DOCK9: variants seen among roughly 807,000 people sequenced by gnomAD.
DOCK9 encodes dedicator of cytokinesis protein 9.
DOCK9 carries 89 observed loss-of-function variants against 263.3 expected under a neutral mutation model. The observed-to-expected ratio is 0.34, with a 90% confidence interval of 0.28 to 0.40. The LOEUF (loss-of-function observed/expected upper bound fraction) is 0.40, where lower values mean the gene tolerates loss of function less well. DOCK9 is among the 10% of genes least tolerant of loss of function. DOCK9 has a pLI of 1.00. For synonymous variants in DOCK9, 976 were observed against 973.1 expected, an observed-to-expected ratio of 1.00 and a Z score of -0.06; for missense variants, 2,140 against 2,603.4, an observed-to-expected ratio of 0.82 and a Z score of 3.87.
At chr13:98,823,656 CT>C (rs929133727) in intron 45 of DOCK9, among the ~76,000 whole-genome samples, 5 of 152,162 alleles carry the variant, frequency 3.3e-5, no homozygotes, top group Non-Finnish European at 7.3e-5. Flanking sequence ...ACAAAGAACC[CT>C]TCAGGCAGAT....
chr13:98,809,423 T>C lies in DOCK9; in HGVS notation c.5296A>G (p.Lys1766Glu). The change falls in exon 47 of 53, where the codon AAA (lysine) becomes GAA (glutamate). Residue 1766 changes from lysine (K) to glutamate (E), a missense_variant. By Grantham distance (56) the Lys-to-Glu change is moderately conservative. Around this residue, in one of 2 missense-constraint regions of DOCK9, gnomAD observed 619 missense variants for 861.8 expected, o/e 0.72. Coordinates refer to ENST00000682017, the MANE Select transcript of DOCK9 (RefSeq NM_001366683.2). ...LYDTLHRAYS[K>E]VTEVMHSGRR... The stretch of plus-strand genomic sequence containing the variant: ...CCCGAGTGCATGACCTCGGTCACTT[T>C]GCTGTAGGCCCGGTGCAGCGTGTCA... 2 of 1,613,296 alleles carry C rather than the reference T, an allele frequency of 1.2e-6. No homozygotes were observed. The highest frequency in any genetic ancestry group is 1.7e-6 in the Non-Finnish European group (2 of 1,179,654).
At chr13:98,884,911 A>T in intron 21 of DOCK9, 60 bp downstream of exon 21, 2 of 1,535,522 alleles carry the variant, frequency 1.3e-6, no homozygotes, top group Non-Finnish European at 1.8e-6. Flanking sequence ...TTGTTGTTTT[A>T]GTTGTTCTTT....
chr13:98,909,743 G>C (rs1480816499), intron 9 of DOCK9, among the ~76,000 whole-genome samples: 1 of 152,096 alleles, frequency 6.6e-6, no homozygotes, highest in African/African-American at 2.4e-5. Flanking sequence ...TTGGAATCTA[G>C]GGAAGAAAGC....
At chr13:98,934,077 T>TG (rs2054413585) in intron 2 of DOCK9, among the ~76,000 whole-genome samples, 1 of 151,372 alleles carries the variant, frequency 6.6e-6, no homozygotes, top group Non-Finnish European at 1.5e-5. Context: ...TTTGAATTTT[T>TG]GGAGAGATGG....
chr13:98,879,660 G>A (rs750675466), intron 27 of DOCK9, among the ~76,000 whole-genome samples: 3 of 152,160 alleles, frequency 2.0e-5, no homozygotes, highest in Non-Finnish European at 4.4e-5. Context: ...CTCACTGGTA[G>A]CATGACCTTG....
intron 9 of DOCK9, among the ~76,000 whole-genome samples, chr13:98,908,592 T>C (rs2049485357): frequency 6.6e-6 from 1 of 152,230 alleles, no homozygotes; most frequent in South Asian, 2.1e-4. Context: ...GGGACATCTA[T>C]GAAATATTTT....
intron 1 of DOCK9, among the ~76,000 whole-genome samples, chr13:99,069,965 TA>T (rs1230516310): frequency 1.3e-5 from 2 of 152,314 alleles, no homozygotes; most frequent in East Asian, 3.9e-4. Context: ...ACAGAAATAA[TA>T]AAACTATCCC....
upstream of DOCK9, among the ~76,000 whole-genome samples, chr13:98,980,659 C>T (rs1336483067): frequency 1.3e-5 from 2 of 152,196 alleles, no homozygotes; most frequent in South Asian, 2.1e-4. Context: ...CTCATTCCAA[C>T]CTGAAGAAAT....
At chr13:98,817,941 T>C (rs1301037906) in intron 45 of DOCK9, among the ~76,000 whole-genome samples, 1 of 152,164 alleles carries the variant, frequency 6.6e-6, no homozygotes, top group Non-Finnish European at 1.5e-5. Flanking sequence ...CATTAAGTTT[T>C]ATACTCTACT....
intron 1 of DOCK9, among the ~76,000 whole-genome samples, chr13:99,067,285 A>G (rs971343696): frequency 1.6e-4 from 24 of 152,218 alleles, no homozygotes; most frequent in Non-Finnish European, 3.4e-4. Context: ...GACCTACTCA[A>G]TACTAAGGTA....
intron 7 of DOCK9, among the ~76,000 whole-genome samples, chr13:98,915,917 G>C (rs1032966818): frequency 6.6e-6 from 1 of 151,960 alleles, no homozygotes; most frequent in Non-Finnish European, 1.5e-5. Context: ...TATTTCTTCA[G>C]CTCCTATTTT....
rs527921216 is a variant in DOCK9 at position 98,831,432 on chromosome 13, C to T, written c.4551G>A (p.Thr1517=). 62 of 1,601,036 alleles carry T rather than the reference C, an allele frequency of 3.9e-5. No individual in the cohort carries two copies. The South Asian group carries it at 5.7e-4, about 15-fold the overall frequency. Residue 1517 remains threonine (T), a synonymous_variant, in exon 41 of 53, where the codon ACG becomes ACA. Coordinates refer to ENST00000682017, the MANE Select transcript of DOCK9 (RefSeq NM_001366683.2). Reference sequence around the variant, plus strand: ...GGAAGTAGAGCAGCTGGGAGGCCTCCGTCCTGATGGAGCTCAGCTTGGAGT... The same window carrying T: ...GGAAGTAGAGCAGCTGGGAGGCCTCTGTCCTGATGGAGCTCAGCTTGGAGT... ...CCNSKLSSIR[T]EASQLLYFLM... is the part of the protein sequence containing the mutation.
chr13:99,058,069 C>T (rs1248081605), intron 1 of DOCK9, among the ~76,000 whole-genome samples: 1 of 151,792 alleles, frequency 6.6e-6, no homozygotes, highest in Non-Finnish European at 1.5e-5. Context: ...TGTACATGAC[C>T]AACAAACCAA....
chr13:98,857,931 T>A (rs2093747385), intron 33 of DOCK9: 1 of 152,192 alleles, frequency 6.6e-6, no homozygotes, highest in Admixed American at 6.5e-5. Context: ...TTTTCTAATA[T>A]AATCATATTT....
At chr13:99,045,680 A>G (rs897472291) in intron 1 of DOCK9, among the ~76,000 whole-genome samples, 3 of 152,206 alleles carry the variant, frequency 2.0e-5, no homozygotes, top group African/African-American at 7.2e-5. Context: ...GAACCATTCC[A>G]ATTTTAAAAC....
chr13:98,849,919 A>C, intron 36 of DOCK9, 128 bp downstream of exon 36: 1 of 664,490 alleles, frequency 1.5e-6, no homozygotes, highest in Admixed American at 3.1e-5. Context: ...GACCATGAGA[A>C]AGGGCTTAAG....
At chr13:99,052,689 C>T (rs2040751689) in intron 1 of DOCK9, among the ~76,000 whole-genome samples, 1 of 152,058 alleles carries the variant, frequency 6.6e-6, no homozygotes, top group East Asian at 1.9e-4. Flanking sequence ...CAGCCTCGAA[C>T]TCCTGGGCTC....
intron 33 of DOCK9, chr13:98,859,999 A>ACTGC (rs1285727472): frequency 5.0e-6 from 1 of 201,500 alleles, no homozygotes; most frequent in Non-Finnish European, 9.1e-6. Context: ...CTAGCCACAA[A>ACTGC]CTGCTACGTT....
chr13:99,067,442 C>G (rs542286816), intron 1 of DOCK9, among the ~76,000 whole-genome samples: 1 of 152,268 alleles, frequency 6.6e-6, no homozygotes, highest in East Asian at 1.9e-4. Flanking sequence ...GATGCCCTGG[C>G]CTGAGAATGT....
Sources: gnomAD v4.1 joint callset for allele counts (sites outside exome capture counted in the v4.1 genomes callset) on GRCh38, gnomAD v4.1.1 for gene constraint, gnomAD v4.1.1 regional missense constraint, MANE v1.5 for transcripts, NCBI Gene and HGNC (gene_info 2026-07-23, HGNC 2026-07-21) for gene names.